IL34: variants seen among roughly 807,000 people sequenced by gnomAD.
IL34 encodes the protein interleukin-34.
In IL34, 17 loss-of-function variants were observed where a neutral mutation model predicts 25.3. The observed-to-expected ratio is 0.67, with a 90% CI of 0.46 to 1.01. IL34 has a LOEUF of 1.01. Among genes scored for constraint, IL34 ranks in the 50% least tolerant of loss-of-function variants. The pLI, the probability that IL34 is intolerant of heterozygous loss-of-function variation, is 0.00. For missense variants in IL34, 368 were observed against 312.9 expected (o/e 1.18, Z -1.33); for synonymous variants, 174 against 140.9 (o/e 1.23, Z -1.66).
intron 1 of IL34, among the ~76,000 whole-genome samples, chr16:70,598,684 A>T (rs2050860759): frequency 6.6e-6 from 1 of 152,206 alleles, no homozygotes; most frequent in East Asian, 1.9e-4. Flanking sequence ...GGCTCCAGTG[A>T]GCCGAGATTG....
chr16:70,642,605 T>C (rs560055844), upstream of IL34, among the ~76,000 whole-genome samples: 98 of 152,246 alleles, frequency 6.4e-4, no homozygotes, highest in Middle Eastern at 3.4e-3. Flanking sequence ...CTGATTTCTT[T>C]TCTTATAAAG....
intron 1 of IL34, among the ~76,000 whole-genome samples, chr16:70,593,649 TG>T (rs1417226658): frequency 1.3e-5 from 2 of 152,148 alleles, no homozygotes; most frequent in East Asian, 3.9e-4. Context: ...CCCGAGTAGC[TG>T]GGACTACAGG....
At chr16:70,641,951 C>G (rs936668955), upstream of IL34, among the ~76,000 whole-genome samples, 23 of 152,066 alleles carry the variant, frequency 1.5e-4, no homozygotes, top group African/African-American at 5.1e-4. Flanking sequence ...CTGAAATGGA[C>G]AAAGAAAATG....
chr16:70,591,101 T>C (rs1406878057), intron 1 of IL34, among the ~76,000 whole-genome samples: 1 of 152,224 alleles, frequency 6.6e-6, no homozygotes, highest in African/African-American at 2.4e-5. Context: ...ACTCAGTGCC[T>C]TCCTTCTCCT....
intron 1 of IL34, among the ~76,000 whole-genome samples, chr16:70,621,756 A>G (rs1409183639): frequency 1.3e-5 from 2 of 152,062 alleles, no homozygotes; most frequent in Non-Finnish European, 2.9e-5. Flanking sequence ...GGATTTGGGT[A>G]GGTAAAGGAA....
intron 1 of IL34, among the ~76,000 whole-genome samples, chr16:70,633,594 G>C (rs2051569222): frequency 6.6e-6 from 1 of 151,944 alleles, no homozygotes; most frequent in Admixed American, 6.6e-5. Context: ...GTTCAGGTGG[G>C]TGGTATAGTA....
chr16:70,606,815 T>G (rs1415543619), intron 1 of IL34, among the ~76,000 whole-genome samples: 1 of 152,180 alleles, frequency 6.6e-6, no homozygotes, highest in Non-Finnish European at 1.5e-5. Context: ...TTTGAACTCC[T>G]AGGCTCAGAT....
At chr16:70,614,777 G>A (rs1445187244) in intron 1 of IL34, among the ~76,000 whole-genome samples, 3 of 152,196 alleles carry the variant, frequency 2.0e-5, no homozygotes, top group Non-Finnish European at 4.4e-5. Flanking sequence ...TGTTACAGGT[G>A]ATAAAACTTC....
intron 1 of IL34, among the ~76,000 whole-genome samples, chr16:70,606,957 T>C (rs2051014787): frequency 6.6e-6 from 1 of 152,194 alleles, no homozygotes; most frequent in South Asian, 2.1e-4. Context: ...ATTCATCTGC[T>C]GATGGACATT....
At chr16:70,596,755 A>T (rs149617952) in intron 1 of IL34, among the ~76,000 whole-genome samples, 10 of 152,132 alleles carry the variant, frequency 6.6e-5, no homozygotes, top group Admixed American at 5.9e-4. Context: ...CCTCTTTATT[A>T]AAAAAATTGG....
chr16:70,613,505 G>A (rs1567444588), intron 1 of IL34, among the ~76,000 whole-genome samples: 1 of 152,150 alleles, frequency 6.6e-6, no homozygotes, highest in Non-Finnish European at 1.5e-5. Flanking sequence ...ACTGGAGTTG[G>A]CTATTCCGGA....
intron 1 of IL34, among the ~76,000 whole-genome samples, chr16:70,626,218 A>G (rs1415950463): frequency 1.3e-5 from 2 of 152,166 alleles, no homozygotes; most frequent in Admixed American, 6.6e-5. Flanking sequence ...TGCCTTTGAT[A>G]TAAATTGCAT....
intron 1 of IL34, among the ~76,000 whole-genome samples, chr16:70,623,015 T>A (rs1016851091): frequency 1.3e-5 from 2 of 152,026 alleles, no homozygotes; most frequent in Admixed American, 6.6e-5. Context: ...GGAGTTGTTT[T>A]GTAAGGGATT....
chr16:70,656,553 C>T lies in IL34; in HGVS notation c.163-49C>T, dbSNP rs757923776. ...ATCATTTGGGAGGTTGGGGAGCCTG[C>T]TGGTCATTTCTACTTCTGGCCTCAT... On this transcript the variant is annotated intron_variant, in intron 2 of 5. Coordinates refer to ENST00000288098, the MANE Select transcript of IL34 (RefSeq NM_001393494.1). 1.7e-5 allele frequency: 15 copies of T among 888,438 alleles called. No homozygotes were observed. In the Admixed American group the frequency reaches 2.2e-4, roughly 13 times the overall value. 55.0% of individuals were successfully genotyped at this position (888,438 alleles called of 1,614,324 possible).
intron 1 of IL34, among the ~76,000 whole-genome samples, chr16:70,631,286 C>G (rs116589530): frequency 0.011 from 1,617 of 152,218 alleles, 23 homozygotes; most frequent in African/African-American, 0.037. Flanking sequence ...AGGGCCAGTA[C>G]CCATAGGCCT....
chr16:70,644,024 G>C (rs1597772560), upstream of IL34, among the ~76,000 whole-genome samples: 1 of 152,268 alleles, frequency 6.6e-6, no homozygotes, highest in East Asian at 1.9e-4. Context: ...GCCCCGACTG[G>C]AGGGCAGTGG....
At chr16:70,651,038 G>A (rs1168928040) in intron 1 of IL34, among the ~76,000 whole-genome samples, 4 of 152,102 alleles carry the variant, frequency 2.6e-5, no homozygotes, top group East Asian at 1.9e-4. Flanking sequence ...GTGAAACGCC[G>A]TCTCTACTAA....
intron 1 of IL34, among the ~76,000 whole-genome samples, chr16:70,601,125 G>T (rs1266728550): frequency 2.6e-5 from 4 of 152,048 alleles, no homozygotes; most frequent in Admixed American, 2.6e-4. Flanking sequence ...GAGAAGTGGG[G>T]GAGTGCTGGG....
intron 1 of IL34, among the ~76,000 whole-genome samples, chr16:70,592,844 G>C (rs978058865): frequency 6.6e-6 from 1 of 152,002 alleles, no homozygotes; most frequent in African/African-American, 2.4e-5. Flanking sequence ...TAGTAGAGAC[G>C]GGGTTTCAGC....
Sources: gnomAD v4.1 joint callset for allele counts (sites outside exome capture counted in the v4.1 genomes callset) on GRCh38, gnomAD v4.1.1 for gene constraint, MANE v1.5 for transcripts, NCBI Gene and HGNC (gene_info 2026-07-23, HGNC 2026-07-21) for gene names.